CDH13: variants seen among roughly 807,000 people sequenced by gnomAD.
CDH13 encodes the protein cadherin-13.
In CDH13, 24 loss-of-function variants were observed where a neutral mutation model predicts 63.8. That is an observed-to-expected ratio of 0.38 (90% CI 0.27 to 0.53). The LOEUF (loss-of-function observed/expected upper bound fraction) is 0.53, where lower values mean the gene tolerates loss of function less well. Ranked by LOEUF, CDH13 falls within the 20% of genes least tolerant of loss-of-function variation. The pLI, the probability that CDH13 is intolerant of heterozygous loss-of-function variation, is 0.85. For synonymous variants in CDH13, 503 were observed against 355.3 expected (o/e 1.42, Z -4.67); for missense variants, 1,049 against 903.1 (o/e 1.16, Z -2.07).
intron 10 of CDH13, among the ~76,000 whole-genome samples, chr16:83,719,733 A>G (rs1006915242): frequency 6.6e-5 from 10 of 152,176 alleles, no homozygotes; most frequent in African/African-American, 1.9e-4. Flanking sequence ...CCATGTCCTC[A>G]GATACCATTA....
At chr16:83,143,026 C>T (rs949327971) in intron 4 of CDH13, among the ~76,000 whole-genome samples, 7 of 152,282 alleles carry the variant, frequency 4.6e-5, no homozygotes, top group Admixed American at 6.5e-5. Flanking sequence ...ATCGCTTGAA[C>T]CCGGGAGGCG....
At chr16:82,649,841 G>C (rs977973035) in intron 1 of CDH13, among the ~76,000 whole-genome samples, 1 of 152,202 alleles carries the variant, frequency 6.6e-6, no homozygotes, top group Admixed American at 6.5e-5. Flanking sequence ...AACTGTCTCT[G>C]CTTCCGACCC....
In CDH13 at chr16:83,749,298, A is replaced by G. The variant is rs550641369; in HGVS notation, c.1681+1048A>G. ...GGCTACTCACACAAACCATTAGGAG[A>G]CAAGTCTAAGAAGTGAGCAATCCAT... On this transcript the variant is annotated intron_variant, in intron 11 of 13. Coordinates refer to ENST00000567109, the MANE Select transcript of CDH13 (RefSeq NM_001257.5). Among the ~76,000 whole-genome samples the G allele has an allele frequency of 7.9e-5, 12 of 152,260 alleles. No homozygotes were observed. The East Asian group carries it at 2.3e-3, about 29-fold the overall frequency.
chr16:83,706,991 A>G (rs1033299281), intron 10 of CDH13, among the ~76,000 whole-genome samples: 77 of 152,224 alleles, frequency 5.1e-4, no homozygotes, highest in African/African-American at 1.6e-3. Context: ...GCAAGGCTAC[A>G]TGAAGAATGG....
chr16:82,990,308 T>C (rs1911502038), intron 2 of CDH13: 1 of 152,224 alleles, frequency 6.6e-6, no homozygotes, highest in Non-Finnish European at 1.5e-5. Context: ...CATCATCTTT[T>C]TGTTTCTCTT....
intron 6 of CDH13, among the ~76,000 whole-genome samples, chr16:83,460,903 C>A (rs2073159928): frequency 6.6e-6 from 1 of 150,588 alleles, no homozygotes; most frequent in African/African-American, 2.4e-5. Flanking sequence ...GCTTGGGATG[C>A]TTAAGCCTGG....
chr16:83,019,339 A>G (rs915281646), intron 2 of CDH13, among the ~76,000 whole-genome samples: 1 of 152,142 alleles, frequency 6.6e-6, no homozygotes, highest in African/African-American at 2.4e-5. Context: ...ACAAGGTCAG[A>G]ATCATGAATA....
chr16:82,858,721 A>C (rs1597820433), intron 2 of CDH13: 3 of 591,014 alleles, frequency 5.1e-6, no homozygotes, highest in Non-Finnish European at 9.0e-6. Context: ...GCTGTCAGAA[A>C]AGGGGGCTGT....
intron 2 of CDH13, among the ~76,000 whole-genome samples, chr16:82,862,416 C>A (rs1443050512): frequency 6.6e-6 from 1 of 152,164 alleles, no homozygotes; most frequent in African/African-American, 2.4e-5. Context: ...TTTTTTCCAG[C>A]AAATGGAAAA....
intron 3 of CDH13, among the ~76,000 whole-genome samples, chr16:83,052,358 A>G (rs2030431431): frequency 6.6e-6 from 1 of 152,258 alleles, no homozygotes; most frequent in South Asian, 2.1e-4. Context: ...TCAGGTTCAT[A>G]TATTTTCATC....
At chr16:82,837,009 A>G (rs1165855430) in intron 1 of CDH13, among the ~76,000 whole-genome samples, 1 of 152,236 alleles carries the variant, frequency 6.6e-6, no homozygotes, top group Non-Finnish European at 1.5e-5. Context: ...TGGAGCTTGA[A>G]TGAGCTTTGC....
At position 82,729,401 on chromosome 16, in the gene CDH13, A is replaced by G. The variant is rs143226936; in HGVS notation, c.45+102264A>G. On this transcript the variant is annotated intron_variant, in intron 1 of 13. Transcript: ENST00000567109. ...GCTGCGCAATAGATGTTACATTAAC[A>G]GGCATGAAAAAACTAGTCTCGTACA... 5.3e-3 allele frequency among the ~76,000 whole-genome samples: 801 copies of G among 152,318 alleles called. 7 individuals are homozygous for G. Among genetic ancestry groups the G allele is most frequent in the African/African-American group, 0.018 (764 of 41,574 alleles).
At chr16:82,939,011 C>T (rs540821263) in intron 2 of CDH13, among the ~76,000 whole-genome samples, 1 of 152,308 alleles carries the variant, frequency 6.6e-6, no homozygotes, top group African/African-American at 2.4e-5. Context: ...CCTTCAGGCA[C>T]AGAACTGCAC....
rs74028524 is a variant in CDH13 at position 82,667,774 on chromosome 16, G to A, written c.45+40637G>A. Among the ~76,000 whole-genome samples, 840 of 152,174 alleles carry A rather than the reference G, an allele frequency of 5.5e-3. 7 individuals carry two copies. The highest frequency in any genetic ancestry group is 0.019 in the African/African-American group (802 of 41,514). On this transcript the variant is annotated intron_variant, in intron 1 of 13. Transcript: ENST00000567109. Reference sequence around the variant, plus strand: ...CCCCTTCTGAGCCGCCACAGCTCACGCTTGCTTTCTATGTCCTGAGCTTTT... The same window carrying A: ...CCCCTTCTGAGCCGCCACAGCTCACACTTGCTTTCTATGTCCTGAGCTTTT...
intron 1 of CDH13, among the ~76,000 whole-genome samples, chr16:82,660,743 G>A (rs1911840305): frequency 6.6e-6 from 1 of 152,170 alleles, no homozygotes; most frequent in African/African-American, 2.4e-5. Flanking sequence ...AATGAAAACA[G>A]CTTGATTTGT....
chr16:83,193,463 G>A (rs1037718379), intron 4 of CDH13, among the ~76,000 whole-genome samples: 4 of 152,134 alleles, frequency 2.6e-5, no homozygotes, highest in African/African-American at 9.7e-5. Context: ...TTCTCTTCAT[G>A]GGGGTTACAG....
chr16:83,699,864 G>A (rs1002653749), intron 10 of CDH13, among the ~76,000 whole-genome samples: 1 of 152,126 alleles, frequency 6.6e-6, no homozygotes, highest in African/African-American at 2.4e-5. Flanking sequence ...CCCAGCCTCA[G>A]CACATATTGG....
intron 7 of CDH13, among the ~76,000 whole-genome samples, chr16:83,493,380 A>T (rs1424368061): frequency 6.6e-6 from 1 of 152,234 alleles, no homozygotes; most frequent in African/African-American, 2.4e-5. Flanking sequence ...GCTAGTAAAT[A>T]AGTATTGAGC....
At chr16:82,734,159 A>G (rs1203131220) in intron 1 of CDH13, among the ~76,000 whole-genome samples, 4 of 152,228 alleles carry the variant, frequency 2.6e-5, no homozygotes, top group African/African-American at 7.2e-5. Context: ...CAATGGGCCA[A>G]CTTTGGCCCA....
Sources: allele counts gnomAD v4.1 joint callset (sites outside exome capture counted in the v4.1 genomes callset), GRCh38; gene constraint gnomAD v4.1.1; transcripts MANE v1.5; gene names NCBI Gene and HGNC (gene_info 2026-07-23, HGNC 2026-07-21).